NOTCH1: variants seen among roughly 807,000 people sequenced by gnomAD.
NOTCH1 encodes notch receptor 1, also known as neurogenic locus notch homolog protein 1.
A neutral mutation model predicts 254.8 loss-of-function variants in NOTCH1; 37 were observed. The ratio of observed to expected loss-of-function variants is 0.15; its 90% CI spans 0.11 to 0.19. The LOEUF (loss-of-function observed/expected upper bound fraction) is 0.19. Ranked by LOEUF, NOTCH1 falls within the 10% of genes least tolerant of loss-of-function variation. NOTCH1 has a pLI of 1.00. For synonymous variants in NOTCH1, 1,731 were observed against 1,618.1 expected, an observed-to-expected ratio of 1.07 and a Z score of -1.68; for missense variants, 2,972 against 3,708.6, an observed-to-expected ratio of 0.80 and a Z score of 5.16.
intron 26 of NOTCH1, among the ~76,000 whole-genome samples, chr9:136,504,190 T>A (rs1843041127): frequency 6.6e-6 from 1 of 152,216 alleles, no homozygotes; most frequent in South Asian, 2.1e-4. Flanking sequence ...TTTTGTTTTT[T>A]ACTTCTTTTA....
intron 13 of NOTCH1, among the ~76,000 whole-genome samples, chr9:136,514,264 T>C (rs1339889610): frequency 1.3e-5 from 2 of 152,226 alleles, no homozygotes; most frequent in African/African-American, 4.8e-5. Context: ...AGGGTCACTG[T>C]GGGCCTGTGT....
intron 2 of NOTCH1, among the ~76,000 whole-genome samples, chr9:136,527,458 C>T (rs1380880163): frequency 1.3e-5 from 2 of 152,236 alleles, no homozygotes; most frequent in East Asian, 1.9e-4. Context: ...CAACAGCTGC[C>T]GCGCCCACGG....
intron 13 of NOTCH1, among the ~76,000 whole-genome samples, chr9:136,514,102 T>C (rs1316056584): frequency 4.6e-5 from 7 of 152,208 alleles, no homozygotes; most frequent in South Asian, 2.1e-4. Context: ...ACTTGCCCGC[T>C]GTGTGGCCCC....
At chr9:136,501,588 C>A (rs1004943543) in intron 30 of NOTCH1, among the ~76,000 whole-genome samples, 160 bp downstream of exon 30, 24 of 152,058 alleles carry the variant, frequency 1.6e-4, no homozygotes, top group Non-Finnish European at 2.2e-4. Context: ...ACTCCAGGAC[C>A]CCCCCACGTC....
chr9:136,535,477 G>A (rs1266402914), intron 2 of NOTCH1, among the ~76,000 whole-genome samples: 1 of 131,488 alleles, frequency 7.6e-6, no homozygotes, highest in South Asian at 2.3e-4. Context: ...GGAGCACTCA[G>A]GATCCCTCCC....
At chr9:136,515,141 G>T (rs1843243390) in intron 12 of NOTCH1, 149 bp downstream of exon 12, 3 of 737,408 alleles carry the variant, frequency 4.1e-6, no homozygotes, top group Admixed American at 4.0e-5. Flanking sequence ...TATAGCCCTG[G>T]TCCCGCTGCA....
intron 26 of NOTCH1, 116 bp downstream of exon 26, chr9:136,504,557 C>T: frequency 8.7e-7 from 1 of 1,153,674 alleles, no homozygotes. Context: ...GTCTCTTTTA[C>T]CATAAAGTGG....
In NOTCH1 at chr9:136,506,978, G is replaced by A. The variant is rs371070297; in HGVS notation, c.3644-5C>T. The A allele has an allele frequency of 4.6e-5, 73 of 1,594,586 alleles. No individual in the cohort carries two copies. The Admixed American group carries it at 6.7e-4, about 15-fold the overall frequency. ...CGTTGATCTCACAGTGCACACCTGC[G>A]GGGCCAGGTTTCGTCAGTGGCCCAA... On this transcript the variant is annotated splice_region_variant and splice_polypyrimidine_tract_variant and intron_variant, in intron 22 of 33. Transcript: ENST00000651671. The surrounding 1 kb of genome is among the most constrained non-coding windows in gnomAD (Gnocchi z 4.5).
intron 4 of NOTCH1, among the ~76,000 whole-genome samples, chr9:136,520,472 G>T (rs893859494): frequency 3.3e-5 from 5 of 152,156 alleles, no homozygotes; most frequent in Admixed American, 2.0e-4. Context: ...GGTGGCTCAC[G>T]CCTGGAATCC....
At chr9:136,499,377 C>T (rs1271346338) in intron 31 of NOTCH1, 118 bp from the exon 32 acceptor site, 4 of 1,428,906 alleles carry the variant, frequency 2.8e-6, no homozygotes, top group African/African-American at 2.8e-5. Flanking sequence ...CGAGACCCTC[C>T]TGAGATCGGC....
At chr9:136,534,316 A>C (rs1181042194) in intron 2 of NOTCH1, among the ~76,000 whole-genome samples, 1 of 152,198 alleles carries the variant, frequency 6.6e-6, no homozygotes. Context: ...ACCCAGCTTT[A>C]AACAACCAAT....
chr9:136,502,422 A>G lies in NOTCH1; in HGVS notation c.5234T>C (p.Val1745Ala), dbSNP rs1843012616. The stretch of plus-strand genomic sequence containing the variant: ...CCCGCAGCCCACGAAGAACAGAAGC[A>G]CAAAGGCGGCCGCCGCCACGTACAT... The part of the protein sequence containing the change: ...HFMYVAAAAF[V>A]LLFFVGCGVL... The change falls in exon 28 of 34, where the codon GTG (valine) becomes GCG (alanine). Residue 1745 changes from valine (V) to alanine (A), a missense_variant. Transcript: ENST00000651671. The G allele has an allele frequency of 5.0e-6, 8 of 1,609,910 alleles. No individual in the cohort carries two copies. The highest frequency in any genetic ancestry group is 6.8e-6 in the Non-Finnish European group (8 of 1,178,938).
intron 2 of NOTCH1, among the ~76,000 whole-genome samples, chr9:136,530,429 C>G (rs1271573916): frequency 6.6e-6 from 1 of 152,192 alleles, no homozygotes; most frequent in Non-Finnish European, 1.5e-5. Flanking sequence ...TGCCCTCACC[C>G]GACATGGGAA....
chr9:136,507,949 C>A lies in NOTCH1; in HGVS notation c.3510+6G>T. On this transcript the variant is annotated splice_donor_region_variant and intron_variant, in intron 21 of 33. Transcript: ENST00000651671. ...CCACAACCCTTACCCTAGGAGGGAC[C>A]CCCACCTTGCAGGAGTAGCCGCCCA... The A allele has an allele frequency of 1.9e-6, 3 of 1,612,276 alleles. No individual in the cohort carries two copies. The highest frequency in any genetic ancestry group is 2.5e-6 in the Non-Finnish European group (3 of 1,179,880).
At chr9:136,536,660 C>A (rs957528864) in intron 2 of NOTCH1, among the ~76,000 whole-genome samples, 3 of 152,244 alleles carry the variant, frequency 2.0e-5, no homozygotes, top group Admixed American at 6.5e-5. Flanking sequence ...GTGGGCCTCA[C>A]TTGAAAGCCA....
intron 2 of NOTCH1, among the ~76,000 whole-genome samples, chr9:136,525,522 TG>T (rs1843445607): frequency 6.6e-6 from 1 of 152,218 alleles, no homozygotes; most frequent in East Asian, 1.9e-4. Context: ...AGGCCCTGGG[TG>T]GGCATGGCCT....
In NOTCH1 at chr9:136,540,123, T is replaced by C. The variant is rs1843710010; in HGVS notation, c.140+3901A>G. 6.6e-6 allele frequency among the ~76,000 whole-genome samples: 1 copy of C among 152,192 alleles called. No homozygotes were observed. ...TATCGGTGCCTGATCCAGACAGCTTTACGGGGCTGCCGGGAGCTATGCCAG... is the reference window on the plus strand; with the variant it reads ...TATCGGTGCCTGATCCAGACAGCTTCACGGGGCTGCCGGGAGCTATGCCAG... On this transcript the variant is annotated intron_variant, in intron 2 of 33. Transcript: ENST00000651671. The surrounding 1 kb of genome is among the most constrained non-coding windows in gnomAD (Gnocchi z 4.4).
intron 2 of NOTCH1, among the ~76,000 whole-genome samples, chr9:136,539,436 T>A (rs1403939248): frequency 6.6e-6 from 1 of 152,216 alleles, no homozygotes; most frequent in Non-Finnish European, 1.5e-5. Context: ...TCACCCAGGC[T>A]GGAGTGCAGT....
At chr9:136,528,679 A>G (rs1339950844) in intron 2 of NOTCH1, among the ~76,000 whole-genome samples, 1 of 151,714 alleles carries the variant, frequency 6.6e-6, no homozygotes, top group East Asian at 1.9e-4. Context: ...CCCGGCTGAA[A>G]TCAGCATCTT....
Sources: gnomAD v4.1 joint callset for allele counts (sites outside exome capture counted in the v4.1 genomes callset) on GRCh38, gnomAD v4.1.1 for gene constraint, Gnocchi (gnomAD v3.1) non-coding constraint, MANE v1.5 for transcripts, NCBI Gene and HGNC (gene_info 2026-07-23, HGNC 2026-07-21) for gene names.